The following EPG5 variants were observed in gnomAD, a reference collection of about 807,000 sequenced individuals.
EPG5 encodes ectopic P granules protein 5 homolog.
EPG5 carries 159 observed loss-of-function variants against 302.7 expected under a neutral mutation model. The ratio of observed to expected loss-of-function variants is 0.53; its 90% CI spans 0.46 to 0.60. The LOEUF is 0.60. EPG5 is among the 20% of genes least tolerant of loss of function. The pLI is 0.00. For missense variants in EPG5, 2,896 were observed against 3,092.4 expected, an observed-to-expected ratio of 0.94 and a Z score of 1.51; for synonymous variants, 1,158 against 1,136.8, an observed-to-expected ratio of 1.02 and a Z score of -0.37.
At chr18:45,875,808 A>G (rs895717612) in intron 35 of EPG5, among the ~76,000 whole-genome samples, 12 of 152,154 alleles carry the variant, frequency 7.9e-5, no homozygotes, top group Non-Finnish European at 1.6e-4. Context: ...TAATCCTAGC[A>G]CTTTGGGAGG....
intron 25 of EPG5, among the ~76,000 whole-genome samples, chr18:45,902,874 T>C (rs958708569): frequency 5.9e-5 from 9 of 152,308 alleles, no homozygotes; most frequent in African/African-American, 1.9e-4. Flanking sequence ...AGCTTACAAA[T>C]TGGGTTTCTT....
At chr18:45,818,947 T>C in the EPG5 span, among the ~76,000 whole-genome samples, 1 of 152,166 alleles carries the variant, frequency 6.6e-6, no homozygotes, top group Non-Finnish European at 1.5e-5. Flanking sequence ...TTGGCCAGGC[T>C]GGTTTCGAAA....
chr18:45,939,722 T>G lies in EPG5; in HGVS notation c.1977A>C (p.Ala659=), dbSNP rs1568173471. Residue 659 remains alanine (A), a synonymous_variant, in exon 10 of 44, where the codon GCA becomes GCC. Coordinates refer to ENST00000282041, the MANE Select transcript of EPG5 (RefSeq NM_020964.3). The stretch of plus-strand genomic sequence containing the variant: ...AGCCTTGGTTATGGCTCACATACTG[T>G]GCCCAATGGTCACTTACATAACCAA... ...MTLGYVSDHW[A]QYVSHNQGSG... 6.8e-6 allele frequency: 11 copies of G among 1,613,864 alleles called. No individual in the cohort carries two copies. Among genetic ancestry groups the G allele is most frequent in the Non-Finnish European group, 8.5e-6 (10 of 1,180,026 alleles).
chr18:45,949,622 T>C (rs2050860438), intron 4 of EPG5, 31 bp from the exon 5 acceptor site: 1 of 1,423,724 alleles, frequency 7.0e-7, no homozygotes, highest in Admixed American at 1.8e-5. Flanking sequence ...GATCTCACTA[T>C]TTTTAATAAA....
At chr18:45,954,021 A>G in intron 2 of EPG5, 1 of 621,660 alleles carries the variant, frequency 1.6e-6, no homozygotes. Flanking sequence ...TATGTGTCTG[A>G]TTAGTTGCTA....
the EPG5 span, among the ~76,000 whole-genome samples, chr18:45,828,319 G>A: frequency 6.6e-6 from 1 of 152,112 alleles, no homozygotes; most frequent in Non-Finnish European, 1.5e-5. Flanking sequence ...CTTCATGCAG[G>A]AGACCCCCAT....
chr18:45,827,911 C>G, the EPG5 span, among the ~76,000 whole-genome samples: 1 of 152,240 alleles, frequency 6.6e-6, no homozygotes, highest in African/African-American at 2.4e-5. Context: ...CGCCAAACCA[C>G]ACACCTTCTC....
chr18:45,846,808 C>CT (rs942171176), downstream of EPG5, among the ~76,000 whole-genome samples: 39 of 152,076 alleles, frequency 2.6e-4, no homozygotes, highest in Admixed American at 5.9e-4. Context: ...GCTGGTTGCC[C>CT]TTTTTTTTGG....
At chr18:45,855,175 G>A (rs577401755) in intron 43 of EPG5, among the ~76,000 whole-genome samples, 10 of 151,572 alleles carry the variant, frequency 6.6e-5, no homozygotes, top group Non-Finnish European at 1.3e-4. Flanking sequence ...CTACTTTCTC[G>A]GTTCCAAGCT....
intron 17 of EPG5, chr18:45,916,795 C>A: frequency 2.5e-6 from 1 of 393,012 alleles, no homozygotes; most frequent in Non-Finnish European, 4.6e-6. Context: ...AGAACAGATC[C>A]ACGACACACA....
Position 45,944,013 on chromosome 18 carries a change from T to C in EPG5, c.1784A>G (p.Lys595Arg). 1 of 1,608,974 alleles carries C rather than the reference T, an allele frequency of 6.2e-7. No individual in the cohort carries two copies. The highest frequency in any genetic ancestry group is 8.5e-7 in the Non-Finnish European group (1 of 1,175,328). Reference sequence around the variant, plus strand: ...AAGAGAAATGAGTCTACCTTTTGCTTTAAACCCAAGAAGATGCTGAAAGAG... The same window carrying C: ...AAGAGAAATGAGTCTACCTTTTGCTCTAAACCCAAGAAGATGCTGAAAGAG... The part of the protein sequence containing the change: ...HELFQHLLGF[K>R]AKGDYLPETT... Residue 595 changes from lysine to arginine, a missense_variant, in exon 8 of 44, where the codon AAA (lysine) becomes AGA (arginine). Physicochemically the swap from Lys to Arg is conservative, Grantham distance 26. Around this residue, in one of 5 missense-constraint regions of EPG5, gnomAD observed 1,390 missense variants for 1,430.0 expected, o/e 0.97. Transcript: ENST00000282041.
chr18:45,845,381 C>A (rs1327014373), downstream of EPG5, among the ~76,000 whole-genome samples: 1 of 152,182 alleles, frequency 6.6e-6, no homozygotes, highest in Non-Finnish European at 1.5e-5. Context: ...GCACAGGCAG[C>A]CCCCAGCTTG....
intron 31 of EPG5, 104 bp downstream of exon 31, chr18:45,882,170 A>G: frequency 9.9e-7 from 1 of 1,015,212 alleles, no homozygotes; most frequent in Non-Finnish European, 1.5e-6. Flanking sequence ...AAACTCCTAT[A>G]CTGGTATTAC....
the EPG5 span, among the ~76,000 whole-genome samples, chr18:45,821,153 G>A: frequency 9.7e-4 from 148 of 152,320 alleles, 1 homozygote; most frequent in African/African-American, 3.4e-3. Flanking sequence ...AATGAGAGCG[G>A]TTTTCTTGTT....
Position 45,922,509 on chromosome 18 carries a change from AGTTTTAG to A in EPG5, c.2923_2929del (p.Leu975CysfsTer24). 6.2e-7 allele frequency: 1 copy of A among 1,614,266 alleles called. No individual in the cohort carries two copies. Among genetic ancestry groups the A allele is most frequent in the Non-Finnish European group, 8.5e-7 (1 of 1,180,046 alleles). On this transcript the variant is annotated frameshift_variant, in exon 16 of 44. Coordinates refer to ENST00000282041, the MANE Select transcript of EPG5 (RefSeq NM_020964.3). LOFTEE classifies it high-confidence loss of function. ...CTGTATTCCATAATCGTTTTTGTGC[AGTTTTAG>A]CCTCAAGATTAAATTCCAGGCCCAT...
intron 35 of EPG5, among the ~76,000 whole-genome samples, chr18:45,872,007 C>T (rs1030432416): frequency 6.6e-6 from 1 of 152,074 alleles, no homozygotes; most frequent in Non-Finnish European, 1.5e-5. Context: ...TTAATCATGC[C>T]ACACTGTAAA....
chr18:45,907,263 G>A (rs2049774860), intron 24 of EPG5: 1 of 152,146 alleles, frequency 6.6e-6, no homozygotes, highest in Non-Finnish European at 1.5e-5. Flanking sequence ...TCCTGGTGCT[G>A]GGGTCAATAC....
intron 39 of EPG5, among the ~76,000 whole-genome samples, chr18:45,861,613 T>C (rs9954523): frequency 0.016 from 2,410 of 152,330 alleles, 46 homozygotes; most frequent in African/African-American, 0.047. Context: ...GCTGATAGTT[T>C]TTTTCCATAA....
chr18:45,953,580 A>G (rs974801816), intron 2 of EPG5: 84 of 985,098 alleles, frequency 8.5e-5, no homozygotes, highest in Non-Finnish European at 9.0e-5. Context: ...CATCTCTCCT[A>G]AGCCACTATG....
Sources: allele counts gnomAD v4.1 joint callset (sites outside exome capture counted in the v4.1 genomes callset), GRCh38; gene constraint gnomAD v4.1.1; regional missense constraint gnomAD v4.1.1; transcripts MANE v1.5; gene names NCBI Gene and HGNC (gene_info 2026-07-23, HGNC 2026-07-21).